The following GSPT1 variants were observed in gnomAD, a reference collection of about 807,000 sequenced individuals.
GSPT1 encodes the protein G1 to S phase transition 1, also known as eukaryotic peptide chain release factor GTP-binding subunit ERF3A.
GSPT1 carries 20 observed loss-of-function variants against 72.5 expected under a neutral mutation model. That is an observed-to-expected ratio of 0.28 (90% CI 0.19 to 0.40). The LOEUF (loss-of-function observed/expected upper bound fraction) is 0.40, where lower values mean the gene tolerates loss of function less well. Ranked by LOEUF, GSPT1 falls within the 10% of genes least tolerant of loss-of-function variation. The pLI is 1.00. For missense variants in GSPT1, 580 were observed against 811.9 expected (o/e 0.71, Z 3.47); for synonymous variants, 334 against 293.5 (o/e 1.14, Z -1.41).
At position 11,894,937 on chromosome 16, in the gene GSPT1, A is replaced by G. The variant is rs1008525861; in HGVS notation, c.698+17T>C. The stretch of plus-strand genomic sequence containing the variant: ...CATCAATTTAACTCTGTTATTTAAC[A>G]AAAGATACAGACTTACATTATTTGT... On this transcript the variant is annotated intron_variant, in intron 5 of 14. Transcript: ENST00000434724. The G allele has an allele frequency of 5.3e-6, 8 of 1,507,882 alleles. No homozygotes were observed. Among genetic ancestry groups the G allele is most frequent in the South Asian group, 1.2e-5 (1 of 85,230 alleles). 93.4% of individuals were successfully genotyped at this position (1,507,882 alleles called of 1,614,324 possible).
At position 11,875,823 on chromosome 16, in the gene GSPT1, G is replaced by A; in HGVS notation, c.1799C>T (p.Thr600Ile). 1.9e-6 allele frequency: 3 copies of A among 1,613,870 alleles called. No homozygotes were observed. The highest frequency in any genetic ancestry group is 2.5e-6 in the Non-Finnish European group (3 of 1,179,902). ...VCIARLRTAG[T>I]ICLETFKDFP... ...GTCTTTAAAGGTCTCAAGGCAGATG[G>A]TTCCTGCTGTCCTTAAGCGAGCAAT... Residue 600 changes from threonine to isoleucine, a missense_variant, in exon 14 of 15, where the codon ACC becomes ATC. By Grantham distance (89) the Thr-to-Ile change is moderately conservative. Around this residue, in one of 6 missense-constraint regions of GSPT1, gnomAD observed 120 missense variants for 242.5 expected, o/e 0.49. Transcript: ENST00000434724.
Position 11,915,898 on chromosome 16 carries a change from G to T in GSPT1, c.-178C>A. ...CAGCTCCAGTCCCGACTCCACACTCGCGACGACGACAGAGGCGGCGGCGGC... is the reference window on the plus strand; with the variant it reads ...CAGCTCCAGTCCCGACTCCACACTCTCGACGACGACAGAGGCGGCGGCGGC... On this transcript the variant is annotated 5_prime_UTR_variant, in exon 1 of 15. Transcript: ENST00000434724. 3.3e-6 allele frequency: 3 copies of T among 911,952 alleles called. No homozygotes were observed. The highest frequency in any genetic ancestry group is 3.6e-6 in the Non-Finnish European group (2 of 559,690). The allele number at this position is 911,952 out of a possible 1,614,324, so 56.5% of individuals were successfully genotyped here.
Position 11,873,230 on chromosome 16 carries a change from T to C in GSPT1, c.1862-59A>G, listed in dbSNP as rs1361217344. 5.0e-6 allele frequency: 4 copies of C among 796,868 alleles called. 1 individual carries two copies. Among genetic ancestry groups the C allele is most frequent in the South Asian group, 3.1e-5 (2 of 65,496 alleles). The allele number at this position is 796,868 out of a possible 1,614,324, so 49.4% of individuals were successfully genotyped here. A position where few individuals can be genotyped will look rare whatever the true frequency, so the allele number is the denominator to read the frequency against. Reference sequence around the variant, plus strand: ...GTTAACAGCAAGTCTATATAAGATATTAAAACTTATTATTTTAAATCACAA... The same window carrying C: ...GTTAACAGCAAGTCTATATAAGATACTAAAACTTATTATTTTAAATCACAA... On this transcript the variant is annotated intron_variant, in intron 14 of 14. Transcript: ENST00000434724.
At chr16:11,914,168 C>G (rs528862796) in intron 1 of GSPT1, among the ~76,000 whole-genome samples, 1 of 152,316 alleles carries the variant, frequency 6.6e-6, no homozygotes, top group Non-Finnish European at 1.5e-5. Flanking sequence ...GACGTTCAGC[C>G]TTTTCCTTCC....
intron 1 of GSPT1, 92 bp downstream of exon 1, chr16:11,915,277 G>T: frequency 8.2e-7 from 1 of 1,217,216 alleles, no homozygotes; most frequent in Non-Finnish European, 1.0e-6. Flanking sequence ...CGTGCCGACC[G>T]GGCCCCAGGG....
intron 1 of GSPT1, among the ~76,000 whole-genome samples, chr16:11,905,267 T>C (rs112084309): frequency 3.2e-4 from 48 of 152,346 alleles, no homozygotes; most frequent in African/African-American, 4.6e-4. Flanking sequence ...TGTGACATGA[T>C]AGTCACCAGC....
At chr16:11,876,699 C>T (rs987043550) in intron 12 of GSPT1, among the ~76,000 whole-genome samples, 10 of 152,236 alleles carry the variant, frequency 6.6e-5, no homozygotes, top group South Asian at 2.1e-4. Context: ...GCCAAGATCG[C>T]GCCACTGCAC....
chr16:11,880,618 A>AT (rs1334839271), intron 11 of GSPT1, among the ~76,000 whole-genome samples: 1 of 152,202 alleles, frequency 6.6e-6, no homozygotes, highest in Admixed American at 6.5e-5. Flanking sequence ...ATAAGCCACC[A>AT]TGTCCAGCCC....
At position 11,891,142 on chromosome 16, in the gene GSPT1, GA is replaced by G; in HGVS notation, c.699-4del. 1 of 1,383,414 alleles carries G rather than the reference GA, an allele frequency of 7.2e-7. No individual in the cohort carries two copies. The highest frequency in any genetic ancestry group is 9.8e-7 in the Non-Finnish European group (1 of 1,022,622). The allele number at this position is 1,383,414 out of a possible 1,614,324, so 85.7% of individuals were successfully genotyped here. A position where few individuals can be genotyped will look rare whatever the true frequency, so the allele number is the denominator to read the frequency against. On this transcript the variant is annotated splice_region_variant and splice_polypyrimidine_tract_variant and intron_variant, in intron 5 of 14. Transcript: ENST00000434724. Reference sequence around the variant, plus strand: ...TGTCAACCATTCCAGTCAAATACCTGAAAACATTTAAAGAAAAAAAAAAGTA... The same window carrying G: ...TGTCAACCATTCCAGTCAAATACCTGAAACATTTAAAGAAAAAAAAAAGTA...
chr16:11,879,723 A>G (rs1417065515), intron 11 of GSPT1, among the ~76,000 whole-genome samples: 1 of 146,250 alleles, frequency 6.8e-6, no homozygotes, highest in African/African-American at 2.6e-5. Flanking sequence ...TGGGCTACAG[A>G]GCGAGACTCC....
At chr16:11,889,151 A>G (rs1455528134) in intron 6 of GSPT1, among the ~76,000 whole-genome samples, 1 of 151,572 alleles carries the variant, frequency 6.6e-6, no homozygotes, top group African/African-American at 2.4e-5. Flanking sequence ...TACTAAAAAT[A>G]CAAAAAATTA....
chr16:11,911,885 T>C (rs2054563385), intron 1 of GSPT1, among the ~76,000 whole-genome samples: 1 of 89,286 alleles, frequency 1.1e-5, no homozygotes, highest in Admixed American at 1.3e-4. Flanking sequence ...TTTTTTTTTG[T>C]GGAGACAGGG....
At chr16:11,892,569 C>T (rs993668655) in intron 5 of GSPT1, among the ~76,000 whole-genome samples, 21 of 148,894 alleles carry the variant, frequency 1.4e-4, no homozygotes, top group Non-Finnish European at 3.1e-4. Context: ...TGGCTCAGGC[C>T]TATAATCCCA....
intron 1 of GSPT1, among the ~76,000 whole-genome samples, chr16:11,906,433 C>T (rs1408109224): frequency 6.6e-6 from 1 of 152,102 alleles, no homozygotes; most frequent in Non-Finnish European, 1.5e-5. Flanking sequence ...GAGTTCAAGA[C>T]CAGCCAGGGC....
In GSPT1 at chr16:11,872,573, A is replaced by G. The variant is rs2053990966; in HGVS notation, c.*546T>C. 1 of 150,038 alleles carries G rather than the reference A, an allele frequency of 6.7e-6. No homozygotes were observed. Among genetic ancestry groups the G allele is most frequent in the Non-Finnish European group, 1.5e-5 (1 of 67,194 alleles). 9.3% of individuals were successfully genotyped at this position (150,038 alleles called of 1,614,324 possible). Reference sequence around the variant, plus strand: ...TAGGGAAAGAGTTTATAAAAGTCCAAGTAATAAAATGTATTCAATTACTTG... The same window carrying G: ...TAGGGAAAGAGTTTATAAAAGTCCAGGTAATAAAATGTATTCAATTACTTG... On this transcript the variant is annotated 3_prime_UTR_variant, in exon 15 of 15. Coordinates refer to ENST00000434724, the MANE Select transcript of GSPT1 (RefSeq NM_002094.4).
rs2054060078 is a variant in GSPT1, at chr16:11,877,237, G to GGT, written c.1602+168_1602+169dup. On this transcript the variant is annotated intron_variant, in intron 12 of 14. Coordinates refer to ENST00000434724, the MANE Select transcript of GSPT1 (RefSeq NM_002094.4). The surrounding 1 kb of genome is among the most constrained non-coding windows in gnomAD (Gnocchi z 4.0). ...GTACCAGCTTGAAGACCTTGTATGAGGTGCCTATTGTGGTTATGATATATA... is the reference window on the plus strand; with the variant it reads ...GTACCAGCTTGAAGACCTTGTATGAGGTGTGCCTATTGTGGTTATGATATATA... 6.6e-6 allele frequency among the ~76,000 whole-genome samples: 1 copy of GGT among 152,180 alleles called. No individual in the cohort carries two copies. The highest frequency in any genetic ancestry group is 2.1e-4 in the South Asian group (1 of 4,826).
At chr16:11,875,212 A>AGGAAAG (rs137923362) in intron 14 of GSPT1, among the ~76,000 whole-genome samples, 1,903 of 151,720 alleles carry the variant, frequency 0.013, 37 homozygotes, top group African/African-American at 0.044. Flanking sequence ...GAAAGGGAAG[A>AGGAAAG]GGAAAGGGAA....
rs1228848869 is a variant in GSPT1 at position 11,877,342 on chromosome 16, G to A, written c.1602+65C>T. The A allele has an allele frequency of 1.8e-6, 2 of 1,096,452 alleles. No homozygotes were observed. The highest frequency in any genetic ancestry group is 2.6e-6 in the Non-Finnish European group (2 of 764,702). The allele number at this position is 1,096,452 out of a possible 1,614,324, so 67.9% of individuals were successfully genotyped here. On this transcript the variant is annotated intron_variant, in intron 12 of 14. Transcript: ENST00000434724. The surrounding 1 kb of genome is among the most constrained non-coding windows in gnomAD (Gnocchi z 4.0). ...ATGTCACAAATAATCAGGACAAAAG[G>A]CACTGATATTCTAATTTCATTTAGA...
At chr16:11,910,219 G>T (rs2054540971) in intron 1 of GSPT1, among the ~76,000 whole-genome samples, 1 of 152,176 alleles carries the variant, frequency 6.6e-6, no homozygotes, top group South Asian at 2.1e-4. Flanking sequence ...AAAGAACAGT[G>T]AGCAGATAAT....
Sources: allele counts gnomAD v4.1 joint callset (sites outside exome capture counted in the v4.1 genomes callset), GRCh38; gene constraint gnomAD v4.1.1; regional missense constraint gnomAD v4.1.1; non-coding constraint Gnocchi (gnomAD v3.1); transcripts MANE v1.5; gene names NCBI Gene and HGNC (gene_info 2026-07-23, HGNC 2026-07-21).